Variants in HPRT1 observed in about 807,000 individuals in gnomAD.
HPRT1 encodes hypoxanthine-guanine phosphoribosyltransferase.
Under a neutral mutation model 19.0 loss-of-function variants are expected in HPRT1, and 4 were observed. The ratio of observed to expected loss-of-function variants is 0.21; its 90% confidence interval spans 0.10 to 0.48. The LOEUF is 0.48. Among genes scored for constraint, HPRT1 ranks in the 20% least tolerant of loss-of-function variants. The pLI is 0.98. For missense variants in HPRT1, 65 were observed against 164.0 expected (o/e 0.40, Z 3.30); for synonymous variants, 53 against 54.9 (o/e 0.97, Z 0.15).
At chrX:134,482,477 G>A (rs1380487950) in intron 3 of HPRT1, among the ~76,000 whole-genome samples, 1 of 112,263 alleles carries the variant, frequency 8.9e-6, no homozygotes, top group Non-Finnish European at 1.9e-5. Flanking sequence ...CTTTGAGGAT[G>A]GAAATCTTTT....
chrX:134,471,198 T>C (rs1045130789), intron 1 of HPRT1, among the ~76,000 whole-genome samples: 18 of 111,586 alleles, frequency 1.6e-4, no homozygotes, highest in African/African-American at 5.5e-4. Flanking sequence ...TTTTTAAAAG[T>C]GATATATATT....
At chrX:134,497,233 G>C (rs991122000) in intron 6 of HPRT1, among the ~76,000 whole-genome samples, 11 of 111,710 alleles carry the variant, frequency 9.8e-5, no homozygotes, top group Non-Finnish European at 1.5e-4. Context: ...GAAGGCTGAG[G>C]GGGGAGGATC....
chrX:134,495,911 A>T (rs888165143), intron 6 of HPRT1, among the ~76,000 whole-genome samples: 2 of 112,399 alleles, frequency 1.8e-5, no homozygotes, highest in African/African-American at 6.5e-5. Context: ...TTCAAGGTTC[A>T]TCTAGGTTGG....
chrX:134,482,337 G>A (rs1202260447), intron 3 of HPRT1, among the ~76,000 whole-genome samples: 1 of 112,331 alleles, frequency 8.9e-6, no homozygotes, highest in East Asian at 2.8e-4. Context: ...TTACAGGCAT[G>A]AGCCACCATG....
chrX:134,488,228 TC>T (rs1475238926), intron 4 of HPRT1, among the ~76,000 whole-genome samples: 1 of 110,602 alleles, frequency 9.0e-6, no homozygotes, highest in Non-Finnish European at 1.9e-5. Flanking sequence ...AACCTCCCCT[TC>T]CCAGTTCAAG....
intron 3 of HPRT1, among the ~76,000 whole-genome samples, chrX:134,480,520 T>G (rs1602743203): frequency 9.4e-6 from 1 of 106,666 alleles, no homozygotes; most frequent in Non-Finnish European, 1.9e-5. Context: ...TAGTGGCCCA[T>G]TGCAGCTTTG....
intron 5 of HPRT1, among the ~76,000 whole-genome samples, chrX:134,490,508 T>G (rs1413631771): frequency 9.3e-6 from 1 of 106,969 alleles, no homozygotes; most frequent in Non-Finnish European, 1.9e-5. Flanking sequence ...TATGTATATA[T>G]ATATATATCT....
intron 3 of HPRT1, among the ~76,000 whole-genome samples, chrX:134,477,059 AT>A (rs1484409893): frequency 1.2e-5 from 1 of 82,514 alleles, no homozygotes; most frequent in Admixed American, 1.7e-4. Flanking sequence ...ATTTTATTTT[AT>A]TTATTTATTT....
chrX:134,472,037 G>A (rs1288215923), intron 1 of HPRT1, among the ~76,000 whole-genome samples: 1 of 111,086 alleles, frequency 9.0e-6, no homozygotes, highest in African/African-American at 3.3e-5. Context: ...TGGTATGATC[G>A]TAGCTCACTG....
Position 134,493,491 on chromosome X carries a change from G to A in HPRT1, c.403-17G>A, listed in dbSNP as rs376266868. The A allele has an allele frequency of 4.4e-6, 5 of 1,144,801 alleles. No homozygotes were observed. The African/African-American group carries it at 8.9e-5, about 20-fold the overall frequency. The allele number at this position is 1,144,801 out of a possible 1,213,427, so 94.3% of individuals were successfully genotyped here. A position where few individuals can be genotyped will look rare whatever the true frequency, so the allele number is the denominator to read the frequency against. ...GACTCTGAATTTAAAGCTATGCAAT[G>A]TCTTCTTTTTTGAAAGGATATAATT... is the stretch of plus-strand genomic sequence containing the variant. On this transcript the variant is annotated splice_polypyrimidine_tract_variant and intron_variant, in intron 5 of 8. Coordinates refer to ENST00000298556, the MANE Select transcript of HPRT1 (RefSeq NM_000194.3).
intron 3 of HPRT1, among the ~76,000 whole-genome samples, chrX:134,481,706 C>T (rs770352727): frequency 3.4e-4 from 38 of 111,889 alleles, no homozygotes; most frequent in East Asian, 2.8e-3. Context: ...CTTTCTAGTT[C>T]TTTCCCATGG....
chrX:134,460,323 C>A lies in HPRT1; in HGVS notation c.12C>A (p.Arg4=). The change falls in exon 1 of 9, where the codon CGC becomes CGA. Residue 4 remains arginine (R), a synonymous_variant. Transcript: ENST00000298556. ...CGGCCGGCTCCGTTATGGCGACCCGCAGCCCTGGCGTCGTGGTGAGCAGCT... is the reference window on the plus strand; with the variant it reads ...CGGCCGGCTCCGTTATGGCGACCCGAAGCCCTGGCGTCGTGGTGAGCAGCT... MAT[R]SPGVVISDDE... is the part of the protein sequence containing the mutation. 1 of 1,131,407 alleles carries A rather than the reference C, an allele frequency of 8.8e-7. No homozygotes were observed. The highest frequency in any genetic ancestry group is 1.2e-6 in the Non-Finnish European group (1 of 859,828). 93.2% of individuals were successfully genotyped at this position (1,131,407 alleles called of 1,213,427 possible). A position where few individuals can be genotyped will look rare whatever the true frequency, so the allele number is the denominator to read the frequency against.
intron 3 of HPRT1, among the ~76,000 whole-genome samples, chrX:134,478,215 C>A (rs1051876871): frequency 8.9e-6 from 1 of 111,763 alleles, no homozygotes; most frequent in Non-Finnish European, 1.9e-5. Flanking sequence ...ATTCTATGAA[C>A]TATTAAATGT....
chrX:134,496,123 A>G (rs2077679766), intron 6 of HPRT1, among the ~76,000 whole-genome samples: 1 of 112,084 alleles, frequency 8.9e-6, no homozygotes, highest in Non-Finnish European at 1.9e-5. Flanking sequence ...TAGGTCATAT[A>G]GTAACTCTGT....
intron 3 of HPRT1, among the ~76,000 whole-genome samples, chrX:134,484,178 A>AT (rs769881709): frequency 2.2e-4 from 25 of 111,845 alleles, no homozygotes; most frequent in African/African-American, 7.5e-4. Context: ...TTTTTCCTTT[A>AT]TTCCTCTTGT....
At chrX:134,478,793 A>C (rs2077632080) in intron 3 of HPRT1, among the ~76,000 whole-genome samples, 1 of 111,934 alleles carries the variant, frequency 8.9e-6, no homozygotes, top group African/African-American at 3.2e-5. Flanking sequence ...TTATTTACCT[A>C]GTGCCTAGAT....
intron 1 of HPRT1, among the ~76,000 whole-genome samples, chrX:134,467,854 G>A (rs2077600920): frequency 9.8e-6 from 1 of 102,317 alleles, no homozygotes; most frequent in African/African-American, 3.6e-5. Flanking sequence ...CACTCAGGCT[G>A]GAGTGTAGTG....
chrX:134,462,723 C>T (rs1399824630), intron 1 of HPRT1, among the ~76,000 whole-genome samples: 1 of 112,132 alleles, frequency 8.9e-6, no homozygotes, highest in African/African-American at 3.2e-5. Context: ...ACATAAGATA[C>T]TCATTGTTTT....
At chrX:134,481,666 A>C (rs889436813) in intron 3 of HPRT1, among the ~76,000 whole-genome samples, 1 of 111,427 alleles carries the variant, frequency 9.0e-6, no homozygotes, top group African/African-American at 3.3e-5. Flanking sequence ...TGGCATAAGG[A>C]AACTTTACAG....
Sources: gnomAD v4.1 joint callset for allele counts (sites outside exome capture counted in the v4.1 genomes callset) on GRCh38, gnomAD v4.1.1 for gene constraint, MANE v1.5 for transcripts, NCBI Gene and HGNC (gene_info 2026-07-23, HGNC 2026-07-21) for gene names.